Variants in AGBL4 observed in about 807,000 individuals in gnomAD.
AGBL4 encodes the protein cytosolic carboxypeptidase 6.
A neutral mutation model predicts 66.4 loss-of-function variants in AGBL4; 58 were observed. The observed-to-expected ratio is 0.87, with a 90% CI of 0.71 to 1.09. The LOEUF (loss-of-function observed/expected upper bound fraction) is 1.09. Ranked by LOEUF, AGBL4 falls within the 50% of genes least tolerant of loss-of-function variation. The pLI is 0.00. For synonymous variants in AGBL4, 234 were observed against 222.9 expected, an observed-to-expected ratio of 1.05 and a Z score of -0.44; for missense variants, 579 against 631.0, an observed-to-expected ratio of 0.92 and a Z score of 0.88.
intron 2 of AGBL4, chr1:49,841,973 C>A: frequency 2.0e-6 from 1 of 508,718 alleles, no homozygotes; most frequent in Admixed American, 2.8e-5. Context: ...CTGGCCTCGT[C>A]CTTGCACACA....
At chr1:49,350,257 G>A (rs1360058815) in intron 3 of AGBL4, among the ~76,000 whole-genome samples, 1 of 147,150 alleles carries the variant, frequency 6.8e-6, no homozygotes, top group African/African-American at 2.5e-5. Context: ...AGGCTGGAGT[G>A]CAGTGGCGGG....
chr1:48,810,892 G>A (rs982517875), intron 6 of AGBL4, among the ~76,000 whole-genome samples: 2 of 152,072 alleles, frequency 1.3e-5, no homozygotes, highest in Admixed American at 6.6e-5. Context: ...ACCTTTGGAC[G>A]ATGCTAGTTG....
intron 2 of AGBL4, among the ~76,000 whole-genome samples, chr1:49,805,825 T>C (rs1644964440): frequency 6.6e-6 from 1 of 152,206 alleles, no homozygotes; most frequent in Admixed American, 6.5e-5. Flanking sequence ...GGCACATCTA[T>C]GAAACAGAAA....
Position 49,530,259 on chromosome 1 carries a change from T to TAAA in AGBL4, c.282+167051_282+167053dup, listed in dbSNP as rs543885264. Among the ~76,000 whole-genome samples, 154 of 75,942 alleles carry TAAA rather than the reference T, an allele frequency of 2.0e-3. 17 individuals are homozygous for TAAA. The highest frequency in any genetic ancestry group is 0.015 in the South Asian group (34 of 2,224). 49.8% of individuals were successfully genotyped at this position (75,942 alleles called of 152,430 possible). A position where few individuals can be genotyped will look rare whatever the true frequency, so the allele number is the denominator to read the frequency against. ...CAGCTATGTTTTCAAGTAGAATTTG[T>TAAA]AAAAAAAAAAAAACAAAAAAAAACT... On this transcript the variant is annotated intron_variant, in intron 3 of 13. Transcript: ENST00000371839.
chr1:49,474,915 A>G (rs1646816975), intron 3 of AGBL4, among the ~76,000 whole-genome samples: 1 of 152,052 alleles, frequency 6.6e-6, no homozygotes, highest in East Asian at 1.9e-4. Context: ...TTTCCTATGT[A>G]GATGCCTTTT....
intron 3 of AGBL4, among the ~76,000 whole-genome samples, chr1:49,630,970 A>G (rs558819154): frequency 1.1e-4 from 16 of 152,296 alleles, no homozygotes; most frequent in Admixed American, 2.0e-4. Context: ...GCTGGACAAG[A>G]GTTGAGAGAG....
chr1:49,898,346 A>G (rs947974888), intron 1 of AGBL4, among the ~76,000 whole-genome samples: 3 of 152,140 alleles, frequency 2.0e-5, no homozygotes, highest in Admixed American at 1.3e-4. Flanking sequence ...TACAAATGAC[A>G]AGTAGGCATA....
At chr1:49,669,669 A>G (rs1646438402) in intron 3 of AGBL4, among the ~76,000 whole-genome samples, 1 of 152,148 alleles carries the variant, frequency 6.6e-6, no homozygotes, top group Admixed American at 6.5e-5. Context: ...TAGAGAAAAC[A>G]GTGATTGACC....
chr1:49,706,900 T>G (rs577944376), intron 2 of AGBL4, among the ~76,000 whole-genome samples: 57 of 152,342 alleles, frequency 3.7e-4, no homozygotes, highest in Middle Eastern at 6.8e-3. Flanking sequence ...TGCACTGTGG[T>G]CTGAAAGACT....
intron 3 of AGBL4, among the ~76,000 whole-genome samples, chr1:49,501,158 G>A (rs1275731102): frequency 3.9e-5 from 6 of 152,004 alleles, no homozygotes; most frequent in South Asian, 2.1e-4. Context: ...TCTAAAAGGG[G>A]TTGAGTTCTT....
intron 2 of AGBL4, among the ~76,000 whole-genome samples, chr1:49,813,033 A>G (rs1484584308): frequency 1.3e-5 from 2 of 152,204 alleles, no homozygotes; most frequent in Non-Finnish European, 2.9e-5. Flanking sequence ...ATACCTGTAG[A>G]AGTGCCAGGC....
intron 4 of AGBL4, among the ~76,000 whole-genome samples, chr1:49,087,729 T>C (rs1164084180): frequency 1.3e-5 from 2 of 152,016 alleles, no homozygotes; most frequent in Non-Finnish European, 2.9e-5. Context: ...ATCCAGGAAA[T>C]ACAGAAAACC....
At chr1:49,189,122 T>C (rs907328119) in intron 4 of AGBL4, among the ~76,000 whole-genome samples, 4 of 152,140 alleles carry the variant, frequency 2.6e-5, no homozygotes, top group African/African-American at 4.8e-5. Flanking sequence ...TGAGCATCCA[T>C]AGAAAGCTCC....
chr1:48,959,413 T>A (rs1657768500), intron 5 of AGBL4, among the ~76,000 whole-genome samples: 1 of 152,242 alleles, frequency 6.6e-6, no homozygotes, highest in Admixed American at 6.5e-5. Flanking sequence ...TACTATGTGC[T>A]GGGCATTGTT....
At chr1:48,978,566 C>A (rs1258347895) in intron 5 of AGBL4, among the ~76,000 whole-genome samples, 2 of 152,142 alleles carry the variant, frequency 1.3e-5, no homozygotes, top group African/African-American at 4.8e-5. Context: ...CTCTAAGCTC[C>A]TAGGTCCTGA....
At chr1:49,234,688 G>C (rs1445286017) in intron 4 of AGBL4, among the ~76,000 whole-genome samples, 1 of 152,088 alleles carries the variant, frequency 6.6e-6, no homozygotes, top group African/African-American at 2.4e-5. Context: ...TGCTCACTCA[G>C]GAGTTGGGTA....
intron 4 of AGBL4, among the ~76,000 whole-genome samples, chr1:49,156,086 G>A (rs1169039276): frequency 6.6e-6 from 1 of 152,124 alleles, no homozygotes; most frequent in African/African-American, 2.4e-5. Flanking sequence ...TGCTACCACT[G>A]CAGCTACAAT....
intron 4 of AGBL4, among the ~76,000 whole-genome samples, chr1:49,086,916 G>A (rs1348701839): frequency 1.3e-5 from 2 of 152,058 alleles, no homozygotes; most frequent in Non-Finnish European, 2.9e-5. Flanking sequence ...CATGAAGACA[G>A]TAATTAGTGG....
At chr1:48,750,710 TCCA>T (rs1651581531) in intron 6 of AGBL4, among the ~76,000 whole-genome samples, 11 of 152,212 alleles carry the variant, frequency 7.2e-5, no homozygotes, top group Non-Finnish European at 1.3e-4. Flanking sequence ...GTCAGAGCTA[TCCA>T]ATAATGAGAT....
Sources: allele counts gnomAD v4.1 joint callset (sites outside exome capture counted in the v4.1 genomes callset), GRCh38; gene constraint gnomAD v4.1.1; transcripts MANE v1.5; gene names NCBI Gene and HGNC (gene_info 2026-07-23, HGNC 2026-07-21).